CEP350: variants seen among roughly 807,000 people sequenced by gnomAD.
CEP350 encodes the protein centrosomal protein 350, also known as centrosome-associated protein 350.
A neutral mutation model predicts 331.8 loss-of-function variants in CEP350; 126 were observed. The observed-to-expected ratio is 0.38, with a 90% CI of 0.33 to 0.44. The LOEUF (loss-of-function observed/expected upper bound fraction) is 0.44. Ranked by LOEUF, CEP350 falls within the 20% of genes least tolerant of loss-of-function variation. The probability of loss-of-function intolerance (pLI) is 1.00; values close to 1 mark genes in which losing one functional copy is unlikely to be tolerated. For missense variants in CEP350, 3,406 were observed against 3,634.6 expected, an observed-to-expected ratio of 0.94 and a Z score of 1.62; for synonymous variants, 1,200 against 1,259.5, an observed-to-expected ratio of 0.95 and a Z score of 1.00.
intron 7 of CEP350, 55 bp from the exon 8 acceptor site, chr1:180,006,399 A>G: frequency 1.1e-6 from 1 of 892,302 alleles, no homozygotes; most frequent in East Asian, 2.6e-5. Context: ...GGCGGAGGAT[A>G]AGTGAGGGAA....
chr1:180,109,147 G>T (rs1661332735), intron 37 of CEP350, among the ~76,000 whole-genome samples: 1 of 143,758 alleles, frequency 7.0e-6, no homozygotes, highest in African/African-American at 2.6e-5. Flanking sequence ...TTGAGATGGA[G>T]TCACTCTGTC....
At chr1:180,060,516 G>A (rs12138974) in intron 25 of CEP350, among the ~76,000 whole-genome samples, 18,810 of 152,156 alleles carry the variant, frequency 0.12, 1,240 homozygotes, top group South Asian at 0.16. Context: ...TTAGCTATGC[G>A]TGGTGGCACG....
At position 180,038,007 on chromosome 1, in the gene CEP350, T is replaced by G. The variant is rs188859201; in HGVS notation, c.4110+918T>G. Among the ~76,000 whole-genome samples the G allele has an allele frequency of 1.6e-3, 238 of 152,262 alleles. 4 individuals are homozygous for G. Among genetic ancestry groups the G allele is most frequent in the African/African-American group, 5.5e-3 (228 of 41,548 alleles). On this transcript the variant is annotated intron_variant, in intron 17 of 37. Coordinates refer to ENST00000367607, the MANE Select transcript of CEP350 (RefSeq NM_014810.5). ...TATGTAAGAACCACCCTAATCAAGA[T>G]ATAGAACCCTTACATTGTTACCCCA...
chr1:179,985,209 T>A (rs747339737), intron 1 of CEP350, among the ~76,000 whole-genome samples: 2 of 152,170 alleles, frequency 1.3e-5, no homozygotes, highest in Non-Finnish European at 2.9e-5. Flanking sequence ...GTCTCTATGT[T>A]TTTGACTATT....
chr1:179,965,342 C>T (rs989768499), intron 1 of CEP350, among the ~76,000 whole-genome samples: 1 of 152,036 alleles, frequency 6.6e-6, no homozygotes, highest in African/African-American at 2.4e-5. Flanking sequence ...GAGAATGTTC[C>T]ATGTGCAGAT....
intron 15 of CEP350, among the ~76,000 whole-genome samples, 173 bp from the exon 16 acceptor site, chr1:180,033,689 A>C (rs116128736): frequency 4.4e-4 from 67 of 152,330 alleles, no homozygotes; most frequent in African/African-American, 1.6e-3. Context: ...AATTAGAGGA[A>C]TATTCATAGT....
intron 5 of CEP350, 139 bp downstream of exon 5, chr1:179,992,360 A>G (rs1342717399): frequency 6.4e-6 from 4 of 626,616 alleles, no homozygotes; most frequent in Non-Finnish European, 7.1e-6. Flanking sequence ...TACCTTTTTC[A>G]TTCTCCACAA....
chr1:180,102,229 G>T (rs931711750), intron 37 of CEP350, among the ~76,000 whole-genome samples: 1 of 151,068 alleles, frequency 6.6e-6, no homozygotes, highest in Admixed American at 6.6e-5. Flanking sequence ...TCCGCCTCCC[G>T]GGTTCAAGCA....
chr1:180,082,808 G>T (rs911916761), intron 30 of CEP350, among the ~76,000 whole-genome samples: 1 of 152,082 alleles, frequency 6.6e-6, no homozygotes, highest in African/African-American at 2.4e-5. Context: ...GGGCAAAATT[G>T]AAACTAAGCC....
rs749538788 is a variant in CEP350 at position 180,041,694 on chromosome 1, A to G, written c.4254A>G (p.Gln1418=). 8 of 1,613,820 alleles carry G rather than the reference A, an allele frequency of 5.0e-6. No individual in the cohort carries two copies. The East Asian group carries it at 8.9e-5, about 18-fold the overall frequency. ...VHAESLQQVV[Q]SQREVTEVLQ... ...CAGAATCATTACAGCAGGTGGTTCA[A>G]TCACAACGGGAAGTAACTGAAGTCC... The change falls in exon 19 of 38, where the codon CAA becomes CAG. Residue 1418 remains glutamine (Q), a synonymous_variant. Coordinates refer to ENST00000367607, the MANE Select transcript of CEP350 (RefSeq NM_014810.5).
intron 16 of CEP350, among the ~76,000 whole-genome samples, chr1:180,036,669 C>T (rs1656376393): frequency 1.3e-5 from 2 of 152,158 alleles, no homozygotes; most frequent in African/African-American, 4.8e-5. Flanking sequence ...ACTTACTAGA[C>T]TACAGTATAG....
intron 18 of CEP350, among the ~76,000 whole-genome samples, 156 bp from the exon 19 acceptor site, chr1:180,041,506 T>C (rs1307808583): frequency 6.6e-6 from 1 of 152,228 alleles, no homozygotes; most frequent in Non-Finnish European, 1.5e-5. Context: ...CAGTAACTTG[T>C]GAACAGTAGA....
chr1:180,065,132 T>A lies in CEP350; in HGVS notation c.5427T>A (p.Asp1809Glu), dbSNP rs1658472702. ...GESKLDSHSD[D>E]DTKDNKATSP... ...GTTTGCAGGACTCTCATAGTGATGA[T>A]GATACAAAGGATAATAAGGCAACCA... Residue 1809 changes from aspartate (D) to glutamate (E), a missense_variant, in exon 27 of 38, where the codon GAT becomes GAA. Transcript: ENST00000367607. The A allele has an allele frequency of 6.2e-7, 1 of 1,606,344 alleles. No individual in the cohort carries two copies. Among genetic ancestry groups the A allele is most frequent in the Admixed American group, 1.7e-5 (1 of 57,786 alleles).
At chr1:180,031,542 ATTGAT>A in intron 15 of CEP350, 48 bp downstream of exon 15, 3 of 922,490 alleles carry the variant, frequency 3.3e-6, no homozygotes, top group African/African-American at 1.7e-5. Flanking sequence ...AAGATATATA[ATTGAT>A]ATTCAAAAAA....
intron 1 of CEP350, among the ~76,000 whole-genome samples, chr1:179,965,685 A>C (rs1438978055): frequency 7.0e-6 from 1 of 142,170 alleles, no homozygotes; most frequent in Non-Finnish European, 1.5e-5. Flanking sequence ...CAGTTGTGCA[A>C]TCTCGGCTTA....
chr1:180,073,529 A>G (rs1659028480), intron 27 of CEP350, among the ~76,000 whole-genome samples: 1 of 152,200 alleles, frequency 6.6e-6, no homozygotes, highest in African/African-American at 2.4e-5. Flanking sequence ...AAATAAGTAA[A>G]TTTAACTGAA....
At chr1:180,087,862 T>C (rs962452153) in intron 32 of CEP350, 145 bp downstream of exon 32, 9 of 908,774 alleles carry the variant, frequency 9.9e-6, no homozygotes, top group Non-Finnish European at 1.2e-5. Flanking sequence ...TAAATTAAAA[T>C]TGTTACATAT....
chr1:180,013,619 A>T (rs2148806364), intron 9 of CEP350, among the ~76,000 whole-genome samples: 1 of 152,330 alleles, frequency 6.6e-6, no homozygotes, highest in Non-Finnish European at 1.5e-5. Flanking sequence ...AACTGTATTT[A>T]AAAACAAACC....
chr1:180,053,228 A>G lies in CEP350; in HGVS notation c.4989+62A>G. The G allele has an allele frequency of 3.6e-6, 3 of 832,512 alleles. No homozygotes were observed. The Admixed American group carries it at 1.1e-4, about 30-fold the overall frequency. The allele number at this position is 832,512 out of a possible 1,614,324, so 51.6% of individuals were successfully genotyped here. On this transcript the variant is annotated intron_variant, in intron 23 of 37. Transcript: ENST00000367607. ...GGATATGTTCTCTCAAAGATATGAG[A>G]AAACATTTTGTACTTATCTCATTTG...
Sources: allele counts gnomAD v4.1 joint callset (sites outside exome capture counted in the v4.1 genomes callset), GRCh38; gene constraint gnomAD v4.1.1; transcripts MANE v1.5; gene names NCBI Gene and HGNC (gene_info 2026-07-23, HGNC 2026-07-21).